SLX4IP: variants seen among roughly 807,000 people sequenced by gnomAD.
SLX4IP encodes protein SLX4IP.
SLX4IP carries 34 observed loss-of-function variants against 32.9 expected under a neutral mutation model. The observed-to-expected ratio is 1.03, with a 90% CI of 0.79 to 1.38. The LOEUF (loss-of-function observed/expected upper bound fraction) is 1.38, where lower values mean the gene tolerates loss of function less well. Among genes scored for constraint, SLX4IP ranks in the 40% most tolerant of loss-of-function variants. The pLI is 0.00. For missense variants in SLX4IP, 444 were observed against 479.0 expected (o/e 0.93, Z 0.68); for synonymous variants, 172 against 171.7 (o/e 1.00, Z -0.01).
intron 4 of SLX4IP, among the ~76,000 whole-genome samples, chr20:10,566,545 C>G (rs774909120): frequency 5.9e-5 from 9 of 152,056 alleles, no homozygotes; most frequent in Non-Finnish European, 8.8e-5. Flanking sequence ...TTTTCCAGTC[C>G]TTCGTTCCAG....
At chr20:10,575,140 A>G (rs2066511078) in intron 4 of SLX4IP, among the ~76,000 whole-genome samples, 1 of 152,164 alleles carries the variant, frequency 6.6e-6, no homozygotes, top group South Asian at 2.1e-4. Flanking sequence ...AGGAAAAGTA[A>G]TAGGAAGGAA....
intron 2 of SLX4IP, among the ~76,000 whole-genome samples, chr20:10,546,155 C>T (rs1249339534): frequency 6.6e-6 from 1 of 152,164 alleles, no homozygotes; most frequent in African/African-American, 2.4e-5. Context: ...AGAACATGCT[C>T]CTGACCAGCA....
In SLX4IP at chr20:10,623,228, T is replaced by G; in HGVS notation, c.1076T>G (p.Leu359Trp). The G allele has an allele frequency of 6.2e-7, 1 of 1,614,236 alleles. No homozygotes were observed. Reference protein sequence around the residue: ...DLAKTTSKEELHVLESLSSRH... With the variant: ...DLAKTTSKEEWHVLESLSSRH... Reference sequence around the variant, plus strand: ...GCAAAAACCACGTCTAAGGAAGAGTTGCATGTTTTGGAAAGTCTCTCCTCC... The same window carrying G: ...GCAAAAACCACGTCTAAGGAAGAGTGGCATGTTTTGGAAAGTCTCTCCTCC... The change falls in exon 8 of 8, where the codon TTG (leucine) becomes TGG (tryptophan). Residue 359 changes from leucine to tryptophan, a missense_variant. Transcript: ENST00000334534.
chr20:10,623,320 T>C lies in SLX4IP; in HGVS notation c.1168T>C (p.Leu390=), dbSNP rs747264329. The C allele has an allele frequency of 2.5e-6, 4 of 1,614,112 alleles. No individual in the cohort carries two copies. The Admixed American group carries it at 5.0e-5, about 20-fold the overall frequency. ...CGGCTTAGCCACAAACACTGAAAGA[T>C]TATCTACAATTCAGAACAGCCCAAC... The part of the protein sequence containing the change: ...QTGLATNTER[L]STIQNSPTKK... The change falls in exon 8 of 8, where the codon TTA becomes CTA. Residue 390 remains leucine (L), a synonymous_variant. Coordinates refer to ENST00000334534, the MANE Select transcript of SLX4IP (RefSeq NM_001009608.3).
At chr20:10,467,855 AT>A (rs924121483) in intron 2 of SLX4IP, among the ~76,000 whole-genome samples, 1 of 150,668 alleles carries the variant, frequency 6.6e-6, no homozygotes, top group Non-Finnish European at 1.5e-5. Context: ...CTTGAAATTA[AT>A]TTTTTTTTTC....
chr20:10,511,849 T>C (rs1354274186), intron 2 of SLX4IP, among the ~76,000 whole-genome samples: 2 of 152,284 alleles, frequency 1.3e-5, no homozygotes, highest in Admixed American at 6.5e-5. Context: ...GACCATTCCA[T>C]GTGTAATAAT....
intron 2 of SLX4IP, among the ~76,000 whole-genome samples, chr20:10,515,135 A>C (rs1337326611): frequency 8.2e-6 from 1 of 122,016 alleles, no homozygotes; most frequent in African/African-American, 3.1e-5. Context: ...CCCAGGCTTG[A>C]ATGCAGTGGT....
chr20:10,588,629 C>T (rs902614634), intron 4 of SLX4IP, among the ~76,000 whole-genome samples: 1 of 152,168 alleles, frequency 6.6e-6, no homozygotes, highest in Non-Finnish European at 1.5e-5. Flanking sequence ...ACCTGGAGTG[C>T]ATTATGCTAC....
At chr20:10,580,970 G>A (rs2066579529) in intron 4 of SLX4IP, among the ~76,000 whole-genome samples, 1 of 152,036 alleles carries the variant, frequency 6.6e-6, no homozygotes, top group Non-Finnish European at 1.5e-5. Context: ...CCAGACAAAG[G>A]TGTACAGCCC....
intron 2 of SLX4IP, among the ~76,000 whole-genome samples, chr20:10,503,647 G>A (rs867943988): frequency 1.2e-4 from 18 of 152,302 alleles, no homozygotes; most frequent in African/African-American, 4.1e-4. Flanking sequence ...ACCACAAACT[G>A]GGTGGCTTTA....
intron 2 of SLX4IP, among the ~76,000 whole-genome samples, chr20:10,473,774 TA>T (rs570374420): frequency 4.2e-4 from 64 of 152,018 alleles, no homozygotes; most frequent in Non-Finnish European, 4.7e-4. Context: ...GGCTAATTTT[TA>T]AAAAATGTTT....
At chr20:10,597,781 G>A (rs953758335) in intron 4 of SLX4IP, among the ~76,000 whole-genome samples, 9 of 152,132 alleles carry the variant, frequency 5.9e-5, no homozygotes, top group Admixed American at 1.3e-4. Context: ...TTTTTTCAAA[G>A]TGGCTGTACC....
chr20:10,500,127 A>ATTTTT (rs1177959480), intron 2 of SLX4IP, among the ~76,000 whole-genome samples: 1 of 78,400 alleles, frequency 1.3e-5, no homozygotes, highest in Non-Finnish European at 2.5e-5. Context: ...ATGTGTCAAA[A>ATTTTT]TTCTTTTTTT....
At chr20:10,590,023 C>G (rs935952217) in intron 4 of SLX4IP, among the ~76,000 whole-genome samples, 1 of 151,862 alleles carries the variant, frequency 6.6e-6, no homozygotes, top group African/African-American at 2.4e-5. Flanking sequence ...TGCCTCCTCC[C>G]CTTACACACA....
chr20:10,559,217 TTCCATG>T (rs1472306675), intron 3 of SLX4IP, among the ~76,000 whole-genome samples: 1 of 152,094 alleles, frequency 6.6e-6, no homozygotes, highest in Non-Finnish European at 1.5e-5. Context: ...TATCTCTGTA[TTCCATG>T]AGGCACTGCA....
In SLX4IP at chr20:10,551,222, G is replaced by A. The variant is rs531170292; in HGVS notation, c.28-5009G>A. 9.8e-5 allele frequency among the ~76,000 whole-genome samples: 15 copies of A among 152,368 alleles called. 1 individual carries two copies. In the South Asian group the frequency reaches 3.1e-3, roughly 32 times the overall value. ...ATAGGAAAAATAACCAACACGTTCA[G>A]TTGGCAGTGAGTTTCCAGTGAAGTA... On this transcript the variant is annotated intron_variant, in intron 2 of 7. Transcript: ENST00000334534.
intron 1 of SLX4IP, among the ~76,000 whole-genome samples, chr20:10,446,062 A>G (rs897853881): frequency 6.6e-6 from 1 of 151,066 alleles, no homozygotes; most frequent in African/African-American, 2.4e-5. Flanking sequence ...AGTTTGTTTA[A>G]CCATTCACAC....
At chr20:10,560,860 A>C in intron 4 of SLX4IP, 40 bp downstream of exon 4, 1 of 1,534,774 alleles carries the variant, frequency 6.5e-7, no homozygotes, top group South Asian at 1.3e-5. Flanking sequence ...AAAAATAAAT[A>C]GAATTTCTGC....
chr20:10,557,926 A>G (rs1006883426), intron 3 of SLX4IP, among the ~76,000 whole-genome samples: 1 of 152,176 alleles, frequency 6.6e-6, no homozygotes, highest in Non-Finnish European at 1.5e-5. Context: ...GCAGTGCATG[A>G]CAGGACCTGC....
Sources: allele counts gnomAD v4.1 joint callset (sites outside exome capture counted in the v4.1 genomes callset), GRCh38; gene constraint gnomAD v4.1.1; transcripts MANE v1.5; gene names NCBI Gene and HGNC (gene_info 2026-07-23, HGNC 2026-07-21).